MACROD2: variants seen among roughly 807,000 people sequenced by gnomAD.
MACROD2 encodes mono-ADP ribosylhydrolase 2.
Under a neutral mutation model 70.4 loss-of-function variants are expected in MACROD2, and 36 were observed. The observed-to-expected ratio is 0.51, with a 90% CI of 0.39 to 0.68. MACROD2 has a LOEUF of 0.68. Ranked by LOEUF, MACROD2 falls within the 30% of genes least tolerant of loss-of-function variation. The probability of loss-of-function intolerance (pLI) is 0.00; values close to 1 mark genes in which losing one functional copy is unlikely to be tolerated. For missense variants in MACROD2, 496 were observed against 538.4 expected (o/e 0.92, Z 0.78); for synonymous variants, 172 against 178.8 (o/e 0.96, Z 0.30).
intron 12 of MACROD2, among the ~76,000 whole-genome samples, chr20:15,950,821 G>A (rs2065893335): frequency 6.6e-6 from 1 of 152,156 alleles, no homozygotes; most frequent in Non-Finnish European, 1.5e-5. Flanking sequence ...CTGTAATACA[G>A]AACTCAGAGC....
chr20:15,048,207 C>T lies in MACROD2; in HGVS notation c.419-181733C>T, dbSNP rs917687086. Among the ~76,000 whole-genome samples, 3 of 152,156 alleles carry T rather than the reference C, an allele frequency of 2.0e-5. 1 individual carries two copies. In the South Asian group the frequency reaches 6.2e-4, roughly 31 times the overall value. Reference sequence around the variant, plus strand: ...ATGAGAATTGCTTGAACCCAGGAGGCAGACGTTGTAGTGAGCCAAGATCAG... The same window carrying T: ...ATGAGAATTGCTTGAACCCAGGAGGTAGACGTTGTAGTGAGCCAAGATCAG... On this transcript the variant is annotated intron_variant, in intron 5 of 17. Coordinates refer to ENST00000684519, the MANE Select transcript of MACROD2 (RefSeq NM_001351661.2).
chr20:14,431,352 C>T (rs1430858670), intron 3 of MACROD2, among the ~76,000 whole-genome samples: 1 of 151,954 alleles, frequency 6.6e-6, no homozygotes, highest in African/African-American at 2.4e-5. Flanking sequence ...AACTATTGTG[C>T]TGTAGGGTGG....
chr20:14,002,265 A>T, intron 1 of MACROD2, 23 bp from the exon 2 acceptor site: 1 of 1,431,106 alleles, frequency 7.0e-7, no homozygotes, highest in South Asian at 1.2e-5. Context: ...ATACAAATGG[A>T]GATTCTGCTT....
At chr20:14,651,404 G>C (rs999371150) in intron 4 of MACROD2, among the ~76,000 whole-genome samples, 2 of 152,086 alleles carry the variant, frequency 1.3e-5, no homozygotes, top group African/African-American at 4.8e-5. Context: ...AAGAAAGGAG[G>C]GCATGAGGAA....
At chr20:15,131,289 G>A (rs2076103000) in intron 5 of MACROD2, among the ~76,000 whole-genome samples, 1 of 152,086 alleles carries the variant, frequency 6.6e-6, no homozygotes, top group African/African-American at 2.4e-5. Flanking sequence ...GGAGAAAAAT[G>A]TGGGTATAAA....
intron 5 of MACROD2, among the ~76,000 whole-genome samples, chr20:15,117,669 G>A (rs1038342081): frequency 2.6e-5 from 4 of 152,132 alleles, no homozygotes; most frequent in Non-Finnish European, 4.4e-5. Context: ...AAGTATTAAG[G>A]ATCTAAAAGG....
chr20:15,675,807 G>GTTA (rs2050049289), intron 8 of MACROD2, among the ~76,000 whole-genome samples: 1 of 152,120 alleles, frequency 6.6e-6, no homozygotes, highest in Non-Finnish European at 1.5e-5. Context: ...AGTCATCTTT[G>GTTA]TTACATAACC....
intron 8 of MACROD2, among the ~76,000 whole-genome samples, chr20:15,766,485 A>G (rs2051527491): frequency 6.6e-6 from 1 of 152,212 alleles, no homozygotes; most frequent in South Asian, 2.1e-4. Context: ...CAAGTCTCTT[A>G]TTCTCTCCTG....
At chr20:15,047,568 T>G (rs556021818) in intron 5 of MACROD2, among the ~76,000 whole-genome samples, 110 of 152,328 alleles carry the variant, frequency 7.2e-4, no homozygotes, top group African/African-American at 2.3e-3. Flanking sequence ...GTTTTAATAA[T>G]TTATTATAAG....
At chr20:15,952,431 C>T (rs1337452569) in intron 12 of MACROD2, among the ~76,000 whole-genome samples, 1 of 151,928 alleles carries the variant, frequency 6.6e-6, no homozygotes, top group Non-Finnish European at 1.5e-5. Flanking sequence ...CTGCATCCTG[C>T]TTCTGGCTTC....
At chr20:15,510,959 T>A (rs2047491362) in intron 8 of MACROD2, among the ~76,000 whole-genome samples, 1 of 152,228 alleles carries the variant, frequency 6.6e-6, no homozygotes, top group East Asian at 1.9e-4. Context: ...TATTGGGGGA[T>A]CTACTATTAA....
At chr20:14,415,048 GA>G (rs1413927769) in intron 3 of MACROD2, among the ~76,000 whole-genome samples, 3 of 151,708 alleles carry the variant, frequency 2.0e-5, no homozygotes, top group African/African-American at 7.3e-5. Flanking sequence ...TAAGTTCCAT[GA>G]ATGCAGAAAC....
intron 5 of MACROD2, among the ~76,000 whole-genome samples, chr20:15,219,374 T>TA (rs2076838776): frequency 6.6e-6 from 1 of 152,182 alleles, no homozygotes; most frequent in Non-Finnish European, 1.5e-5. Context: ...GCCACCCTGC[T>TA]CCTACTCCTG....
At chr20:15,276,422 A>T (rs2077393725) in intron 6 of MACROD2, among the ~76,000 whole-genome samples, 1 of 150,584 alleles carries the variant, frequency 6.6e-6, no homozygotes, top group Admixed American at 6.6e-5. Context: ...AAATAAAAAA[A>T]TCTCATTGAT....
In MACROD2 at chr20:15,106,188, G is replaced by A. The variant is rs1021638110; in HGVS notation, c.419-123752G>A. ...TAAAGCCCATAATCTCACCTTTATAGCATGCCACTGTCTTGCCAAACACAA... is the reference window on the plus strand; with the variant it reads ...TAAAGCCCATAATCTCACCTTTATAACATGCCACTGTCTTGCCAAACACAA... On this transcript the variant is annotated intron_variant, in intron 5 of 17. Coordinates refer to ENST00000684519, the MANE Select transcript of MACROD2 (RefSeq NM_001351661.2). Among the ~76,000 whole-genome samples, 4 of 152,078 alleles carry A rather than the reference G, an allele frequency of 2.6e-5. No homozygotes were observed. In the South Asian group the frequency reaches 6.2e-4, roughly 24 times the overall value.
intron 5 of MACROD2, among the ~76,000 whole-genome samples, chr20:14,776,700 G>C (rs1241426375): frequency 6.6e-6 from 1 of 151,946 alleles, no homozygotes; most frequent in Non-Finnish European, 1.5e-5. Context: ...TATTTTAAAA[G>C]CTTTCTGTTG....
intron 3 of MACROD2, among the ~76,000 whole-genome samples, chr20:14,223,697 A>G (rs1192773924): frequency 6.6e-6 from 1 of 152,038 alleles, no homozygotes; most frequent in African/African-American, 2.4e-5. Context: ...TAGTAGAGAC[A>G]GGGTTTTACT....
intron 2 of MACROD2, among the ~76,000 whole-genome samples, chr20:14,066,519 A>G (rs530253412): frequency 6.6e-6 from 1 of 152,362 alleles, no homozygotes; most frequent in South Asian, 2.1e-4. Context: ...GTCAGAGTAG[A>G]GACAAACACT....
chr20:15,881,979 T>C lies in MACROD2; in HGVS notation c.728-3785T>C, dbSNP rs542783977. 2.4e-4 allele frequency among the ~76,000 whole-genome samples: 36 copies of C among 152,216 alleles called. 2 individuals carry two copies. In the South Asian group the frequency reaches 7.2e-3, roughly 31 times the overall value. On this transcript the variant is annotated intron_variant, in intron 9 of 17. Transcript: ENST00000684519. Reference sequence around the variant, plus strand: ...CAGTAATAGCAATAATCAGTATTTATTGAATGCTCATTCTGTGTAAGCACT... The same window carrying C: ...CAGTAATAGCAATAATCAGTATTTACTGAATGCTCATTCTGTGTAAGCACT...
Sources: gnomAD v4.1 joint callset for allele counts (sites outside exome capture counted in the v4.1 genomes callset) on GRCh38, gnomAD v4.1.1 for gene constraint, MANE v1.5 for transcripts, NCBI Gene and HGNC (gene_info 2026-07-23, HGNC 2026-07-21) for gene names.